Variants in GRIA2 observed in about 807,000 individuals in gnomAD.
GRIA2 encodes glutamate receptor 2.
A neutral mutation model predicts 97.3 loss-of-function variants in GRIA2; 14 were observed. The ratio of observed to expected loss-of-function variants is 0.14; its 90% CI spans 0.10 to 0.23. The LOEUF (loss-of-function observed/expected upper bound fraction) is 0.23. Among genes scored for constraint, GRIA2 ranks in the 10% least tolerant of loss-of-function variants. The pLI is 1.00. For synonymous variants in GRIA2, 412 were observed against 387.8 expected (o/e 1.06, Z -0.73); for missense variants, 558 against 1,069.8 (o/e 0.52, Z 6.67).
intron 2 of GRIA2, among the ~76,000 whole-genome samples, chr4:157,262,082 T>G (rs1432157915): frequency 6.6e-6 from 1 of 152,120 alleles, no homozygotes; most frequent in Non-Finnish European, 1.5e-5. Context: ...GTTAATTTTT[T>G]AATGACCAAA....
intron 2 of GRIA2, among the ~76,000 whole-genome samples, chr4:157,262,401 C>T (rs1731582103): frequency 6.6e-6 from 1 of 151,996 alleles, no homozygotes; most frequent in South Asian, 2.1e-4. Flanking sequence ...GCTCTAACTT[C>T]AAACTCAAGT....
At chr4:157,359,261 A>C (rs528399351) in intron 12 of GRIA2, among the ~76,000 whole-genome samples, 77 of 152,198 alleles carry the variant, frequency 5.1e-4, no homozygotes, top group African/African-American at 1.8e-3. Context: ...GTTTTTTTCC[A>C]GTATATCTTG....
At chr4:157,249,474 A>C (rs760466526) in intron 2 of GRIA2, 12 of 152,124 alleles carry the variant, frequency 7.9e-5, no homozygotes, top group Admixed American at 2.6e-4. Context: ...TATTTATTGA[A>C]TGCTTTTGAC....
intron 12 of GRIA2, among the ~76,000 whole-genome samples, chr4:157,349,602 C>T (rs1345719577): frequency 6.6e-6 from 1 of 151,834 alleles, no homozygotes; most frequent in Non-Finnish European, 1.5e-5. Context: ...TTATAGAGCA[C>T]AGCACCAATG....
intron 6 of GRIA2, among the ~76,000 whole-genome samples, chr4:157,331,790 G>A (rs1461097434): frequency 6.6e-6 from 1 of 151,666 alleles, no homozygotes; most frequent in African/African-American, 2.4e-5. Context: ...TCAGTATTTG[G>A]AGAAGACAAA....
At position 157,313,220 on chromosome 4, in the gene GRIA2, A is replaced by G. The variant is rs116536385; in HGVS notation, c.666+345A>G. 6.1e-3 allele frequency among the ~76,000 whole-genome samples: 924 copies of G among 152,276 alleles called. 7 individuals carry two copies. Among genetic ancestry groups the G allele is most frequent in the African/African-American group, 0.02 (828 of 41,568 alleles). On this transcript the variant is annotated intron_variant, in intron 4 of 15. Coordinates refer to ENST00000264426, the MANE Select transcript of GRIA2 (RefSeq NM_001083619.3). ...TTTAGAGTTAAAGAAATAGACATGT[A>G]TTAACTTAAGACAAGTTGAGTTCTA...
chr4:157,299,740 A>G (rs954120045), intron 2 of GRIA2, among the ~76,000 whole-genome samples: 2 of 152,192 alleles, frequency 1.3e-5, no homozygotes, highest in Non-Finnish European at 2.9e-5. Flanking sequence ...GCTGTTTGAC[A>G]TAAAGTGTCT....
intron 2 of GRIA2, among the ~76,000 whole-genome samples, chr4:157,303,129 A>G (rs956504606): frequency 1.3e-5 from 2 of 152,130 alleles, no homozygotes; most frequent in Admixed American, 6.6e-5. Context: ...TAACTTTTAG[A>G]TGTAAAAGCA....
intron 2 of GRIA2, among the ~76,000 whole-genome samples, chr4:157,279,743 G>C (rs964065072): frequency 2.0e-5 from 3 of 152,080 alleles, no homozygotes; most frequent in Non-Finnish European, 4.4e-5. Flanking sequence ...TTTAGGAATA[G>C]AATAGTGATA....
At chr4:157,296,032 C>CT (rs1318379312) in intron 2 of GRIA2, among the ~76,000 whole-genome samples, 1 of 152,068 alleles carries the variant, frequency 6.6e-6, no homozygotes, top group Admixed American at 6.6e-5. Flanking sequence ...AAAAATTTAC[C>CT]TCATTTCATT....
At chr4:157,297,763 G>A (rs2126851944) in intron 2 of GRIA2, among the ~76,000 whole-genome samples, 1 of 149,744 alleles carries the variant, frequency 6.7e-6, no homozygotes, top group South Asian at 2.1e-4. Flanking sequence ...TAAAACAGTG[G>A]CATTTTATGT....
chr4:157,269,386 A>G (rs1731915371), intron 2 of GRIA2, among the ~76,000 whole-genome samples: 1 of 152,100 alleles, frequency 6.6e-6, no homozygotes, highest in Non-Finnish European at 1.5e-5. Context: ...GTTCTGAGAA[A>G]TAATCATTTA....
At chr4:157,340,152 A>C (rs1463309413) in intron 11 of GRIA2, among the ~76,000 whole-genome samples, 1 of 151,836 alleles carries the variant, frequency 6.6e-6, no homozygotes, top group African/African-American at 2.4e-5. Context: ...ATGTTTCATC[A>C]AAAGATTTAT....
intron 4 of GRIA2, among the ~76,000 whole-genome samples, chr4:157,316,105 A>C (rs1734306929): frequency 6.6e-6 from 1 of 152,276 alleles, no homozygotes; most frequent in East Asian, 1.9e-4. Context: ...CTATGTTTTT[A>C]AAAAATTTCT....
chr4:157,335,612 T>G, intron 9 of GRIA2, 59 bp from the exon 10 acceptor site: 2 of 995,646 alleles, frequency 2.0e-6, no homozygotes, highest in Non-Finnish European at 1.6e-6. Context: ...TTTGATTCAA[T>G]GAGAGTACAT....
chr4:157,302,602 A>G (rs1733663273), intron 2 of GRIA2, among the ~76,000 whole-genome samples: 1 of 152,184 alleles, frequency 6.6e-6, no homozygotes, highest in South Asian at 2.1e-4. Context: ...AAAAGTTATC[A>G]TGAGAAAAAA....
chr4:157,221,874 G>T, intron 2 of GRIA2, 67 bp downstream of exon 2: 1 of 1,452,832 alleles, frequency 6.9e-7, no homozygotes, highest in Non-Finnish European at 9.6e-7. Context: ...GAGTGTGTGT[G>T]TGCGTTTCTG....
At chr4:157,347,971 A>G (rs184191855) in intron 12 of GRIA2, among the ~76,000 whole-genome samples, 156 of 152,196 alleles carry the variant, frequency 1.0e-3, no homozygotes, top group African/African-American at 3.5e-3. Context: ...TAAAAATACA[A>G]AAATTAGCTG....
intron 2 of GRIA2, among the ~76,000 whole-genome samples, chr4:157,277,402 A>G (rs1285158836): frequency 6.6e-6 from 1 of 151,896 alleles, no homozygotes; most frequent in African/African-American, 2.4e-5. Context: ...AAGAATGTCT[A>G]CAAAACATCT....
Sources: gnomAD v4.1 joint callset for allele counts (sites outside exome capture counted in the v4.1 genomes callset) on GRCh38, gnomAD v4.1.1 for gene constraint, MANE v1.5 for transcripts, NCBI Gene and HGNC (gene_info 2026-07-23, HGNC 2026-07-21) for gene names.